TM9SF3: variants seen among roughly 807,000 people sequenced by gnomAD.
TM9SF3 encodes transmembrane 9 superfamily member 3.
In TM9SF3, 14 loss-of-function variants were observed where a neutral mutation model predicts 78.6. The ratio of observed to expected loss-of-function variants is 0.18; its 90% CI spans 0.12 to 0.28. TM9SF3 has a LOEUF of 0.28. TM9SF3 is among the 10% of genes least tolerant of loss of function. The probability of loss-of-function intolerance (pLI) is 1.00; values close to 1 mark genes in which losing one functional copy is unlikely to be tolerated. For synonymous variants in TM9SF3, 231 were observed against 241.7 expected, an observed-to-expected ratio of 0.96 and a Z score of 0.41; for missense variants, 496 against 721.9, an observed-to-expected ratio of 0.69 and a Z score of 3.59.
At chr10:96,567,455 T>C (rs1030432827) in intron 2 of TM9SF3, among the ~76,000 whole-genome samples, 4 of 152,186 alleles carry the variant, frequency 2.6e-5, no homozygotes, top group African/African-American at 9.7e-5. Flanking sequence ...TCCCAACTGA[T>C]ATATCTGCCT....
intron 11 of TM9SF3, 42 bp downstream of exon 11, chr10:96,530,498 T>C (rs753150105): frequency 6.6e-7 from 1 of 1,523,316 alleles, no homozygotes; most frequent in East Asian, 2.3e-5. Context: ...TGTCTTACTA[T>C]AATCAAATCC....
chr10:96,526,308 C>A (rs544396294), intron 14 of TM9SF3, among the ~76,000 whole-genome samples: 1 of 152,114 alleles, frequency 6.6e-6, no homozygotes, highest in South Asian at 2.1e-4. Flanking sequence ...TGGTGCTTTA[C>A]ACACATGACA....
At chr10:96,569,946 C>T (rs537324182) in intron 2 of TM9SF3, among the ~76,000 whole-genome samples, 12 of 151,998 alleles carry the variant, frequency 7.9e-5, no homozygotes, top group Admixed American at 3.9e-4. Flanking sequence ...GCAGGAGAAT[C>T]GCGTGAGGTT....
intron 14 of TM9SF3, among the ~76,000 whole-genome samples, chr10:96,526,320 T>C (rs1847838099): frequency 1.3e-5 from 2 of 152,000 alleles, no homozygotes; most frequent in Middle Eastern, 3.2e-3. Context: ...CACATGACAC[T>C]ATTCCTCACA....
intron 9 of TM9SF3, 38 bp downstream of exon 9, chr10:96,544,038 T>C (rs549487655): frequency 7.6e-6 from 12 of 1,588,894 alleles, no homozygotes; most frequent in East Asian, 6.7e-5. Flanking sequence ...AGAATGTGTA[T>C]ACTTTTTCAG....
intron 7 of TM9SF3, among the ~76,000 whole-genome samples, chr10:96,550,991 A>G (rs1021288396): frequency 1.3e-5 from 2 of 152,206 alleles, no homozygotes; most frequent in Non-Finnish European, 2.9e-5. Flanking sequence ...ACCTCTGTTC[A>G]TATCTTTAAT....
Position 96,527,436 on chromosome 10 carries a change from A to G in TM9SF3, c.1602T>C (p.Phe534=). The change falls in exon 13 of 15, where the codon TTT becomes TTC. Residue 534 remains phenylalanine, a synonymous_variant. Transcript: ENST00000371142. The part of the protein sequence containing the change: ...STAIYVYMYS[F]YYYFFKTKMY... ...ACTTTGTTTTGAAAAAATAGTAGTA[A>G]AAGGAATACATGTAAACATAGATTG... The G allele has an allele frequency of 6.2e-7, 1 of 1,609,654 alleles. No homozygotes were observed. Among genetic ancestry groups the G allele is most frequent in the Non-Finnish European group, 8.5e-7 (1 of 1,178,052 alleles).
intron 3 of TM9SF3, among the ~76,000 whole-genome samples, chr10:96,563,560 T>G (rs923069892): frequency 6.6e-6 from 1 of 152,078 alleles, no homozygotes; most frequent in African/African-American, 2.4e-5. Context: ...GTATTTTTAG[T>G]AGAGACAGGG....
chr10:96,525,685 CCA>C (rs781478816), intron 14 of TM9SF3, among the ~76,000 whole-genome samples: 1 of 151,988 alleles, frequency 6.6e-6, no homozygotes, highest in Non-Finnish European at 1.5e-5. Context: ...GGAAAATTAT[CCA>C]CTCTCTGGAA....
intron 9 of TM9SF3, among the ~76,000 whole-genome samples, chr10:96,542,771 C>T (rs1040327554): frequency 6.6e-6 from 1 of 151,534 alleles, no homozygotes; most frequent in African/African-American, 2.4e-5. Context: ...AGCATTATCA[C>T]TTACTTTGGC....
chr10:96,529,940 A>C (rs1847878288), intron 11 of TM9SF3, among the ~76,000 whole-genome samples: 2 of 152,218 alleles, frequency 1.3e-5, no homozygotes, highest in South Asian at 4.1e-4. Flanking sequence ...TGCCTAAAAT[A>C]ACCAGAGTAT....
chr10:96,548,607 G>A (rs1351515278), intron 7 of TM9SF3, among the ~76,000 whole-genome samples: 3 of 151,908 alleles, frequency 2.0e-5, no homozygotes, highest in South Asian at 2.1e-4. Context: ...AAACCAGCCT[G>A]GCCAACATGG....
intron 2 of TM9SF3, among the ~76,000 whole-genome samples, chr10:96,574,746 G>C (rs980693300): frequency 6.6e-6 from 1 of 152,150 alleles, no homozygotes; most frequent in Admixed American, 6.5e-5. Flanking sequence ...TGCAGCCACA[G>C]AAAAGGATGA....
chr10:96,586,575 G>A (rs1472943396), intron 1 of TM9SF3, among the ~76,000 whole-genome samples, 159 bp downstream of exon 1: 2 of 152,084 alleles, frequency 1.3e-5, no homozygotes, highest in African/African-American at 2.4e-5. Flanking sequence ...CCTCCTCCAC[G>A]CTCCCAAGGT....
chr10:96,559,545 TA>T, intron 5 of TM9SF3, 113 bp downstream of exon 5: 1 of 640,490 alleles, frequency 1.6e-6, no homozygotes, highest in Non-Finnish European at 2.4e-6. Context: ...CACCATTAGC[TA>T]AATCTTTTAA....
At chr10:96,536,175 G>A (rs1359430300) in intron 9 of TM9SF3, among the ~76,000 whole-genome samples, 1 of 127,914 alleles carries the variant, frequency 7.8e-6, no homozygotes, top group East Asian at 2.3e-4. Flanking sequence ...AGCTGATGAA[G>A]GGCATCTACA....
chr10:96,539,923 C>T (rs1848002857), intron 9 of TM9SF3, among the ~76,000 whole-genome samples: 1 of 152,106 alleles, frequency 6.6e-6, no homozygotes, highest in South Asian at 2.1e-4. Flanking sequence ...TAGGAATAAC[C>T]ACACCACTAG....
intron 1 of TM9SF3, among the ~76,000 whole-genome samples, chr10:96,580,514 C>T (rs973036810): frequency 1.3e-5 from 2 of 152,172 alleles, no homozygotes; most frequent in South Asian, 4.1e-4. Flanking sequence ...GATCCACCCG[C>T]CTCGGCCTCC....
chr10:96,525,488 T>C (rs544455376), intron 14 of TM9SF3, among the ~76,000 whole-genome samples: 1 of 152,174 alleles, frequency 6.6e-6, no homozygotes, highest in South Asian at 2.1e-4. Context: ...GTATATGAAC[T>C]GAACAGGCTC....
Sources: gnomAD v4.1 joint callset for allele counts (sites outside exome capture counted in the v4.1 genomes callset) on GRCh38, gnomAD v4.1.1 for gene constraint, MANE v1.5 for transcripts, NCBI Gene and HGNC (gene_info 2026-07-23, HGNC 2026-07-21) for gene names.